Variants in IL33 observed in about 807,000 individuals in gnomAD.
The protein encoded by IL33 is interleukin-33.
In IL33, 37 loss-of-function variants were observed where a neutral mutation model predicts 27.3. That is an observed-to-expected ratio of 1.36 (90% CI 1.04 to 1.78). The LOEUF is 1.78. Among genes scored for constraint, IL33 ranks in the 40% most tolerant of loss-of-function variants. The pLI, the probability that IL33 is intolerant of heterozygous loss-of-function variation, is 0.00. For synonymous variants in IL33, 132 were observed against 102.9 expected (o/e 1.28, Z -1.71); for missense variants, 406 against 311.4 (o/e 1.30, Z -2.29).
At chr9:6,224,962 C>T (rs1320610566) in intron 1 of IL33, among the ~76,000 whole-genome samples, 1 of 152,056 alleles carries the variant, frequency 6.6e-6, no homozygotes, top group East Asian at 1.9e-4. Flanking sequence ...TGGCTTGGCA[C>T]CTGCCTTTCC....
chr9:6,247,744 T>C (rs867212572), intron 2 of IL33, among the ~76,000 whole-genome samples: 1 of 152,184 alleles, frequency 6.6e-6, no homozygotes. Flanking sequence ...CACTTTCCTC[T>C]CCAGAACACA....
chr9:6,251,312 A>T, intron 4 of IL33, 47 bp downstream of exon 4: 1 of 1,604,954 alleles, frequency 6.2e-7, no homozygotes, highest in East Asian at 2.2e-5. Flanking sequence ...GGGAGGTATG[A>T]CACAGGACCC....
At chr9:6,244,557 G>GCT (rs1429131729) in intron 2 of IL33, among the ~76,000 whole-genome samples, 1 of 152,048 alleles carries the variant, frequency 6.6e-6, no homozygotes, top group African/African-American at 2.4e-5. Flanking sequence ...GTGAATGTCT[G>GCT]CTCTCTCTCT....
At chr9:6,234,067 C>T (rs965533553) in intron 1 of IL33, among the ~76,000 whole-genome samples, 3 of 152,164 alleles carry the variant, frequency 2.0e-5, no homozygotes, top group Admixed American at 6.5e-5. Context: ...TTTTCTGCTT[C>T]TCTGTCTGGT....
At chr9:6,239,193 C>G (rs1241922849) in intron 1 of IL33, among the ~76,000 whole-genome samples, 1 of 152,178 alleles carries the variant, frequency 6.6e-6, no homozygotes, top group Non-Finnish European at 1.5e-5. Context: ...GTGTAATCAG[C>G]AAATTTCAAA....
chr9:6,222,154 G>A (rs1257238050), intron 1 of IL33, among the ~76,000 whole-genome samples: 4 of 152,132 alleles, frequency 2.6e-5, no homozygotes, highest in Non-Finnish European at 4.4e-5. Context: ...GCAGATTGTG[G>A]CTTATTTTAT....
intron 1 of IL33, among the ~76,000 whole-genome samples, chr9:6,231,416 G>A (rs535760977): frequency 6.6e-6 from 1 of 152,232 alleles, no homozygotes; most frequent in South Asian, 2.1e-4. Flanking sequence ...CCATCTCAGG[G>A]CCTTTGCCCC....
intron 1 of IL33, among the ~76,000 whole-genome samples, chr9:6,238,799 T>C (rs746228207): frequency 1.3e-5 from 2 of 152,178 alleles, no homozygotes; most frequent in Non-Finnish European, 2.9e-5. Context: ...AGTTTAAGAC[T>C]GGAGAAGAAG....
At position 6,256,386 on chromosome 9, in the gene IL33, A is replaced by G. The variant is rs1052532587; in HGVS notation, c.*218A>G. On this transcript the variant is annotated 3_prime_UTR_variant, in exon 8 of 8. Coordinates refer to ENST00000682010, the MANE Select transcript of IL33 (RefSeq NM_033439.4). The stretch of plus-strand genomic sequence containing the variant: ...CTGCATCTTCAATACAAGTATCAGT[A>G]TATTAAATAGGGTATTGGTAAAGAA... 1.8e-6 allele frequency: 1 copy of G among 550,912 alleles called. No individual in the cohort carries two copies. The highest frequency in any genetic ancestry group is 3.2e-6 in the Non-Finnish European group (1 of 314,926). 34.1% of individuals were successfully genotyped at this position (550,912 alleles called of 1,614,324 possible). A position where few individuals can be genotyped will look rare whatever the true frequency, so the allele number is the denominator to read the frequency against.
At position 6,252,941 on chromosome 9, in the gene IL33, A is replaced by G. The variant is rs372968081; in HGVS notation, c.419A>G (p.Asp140Gly). The change falls in exon 5 of 8, where the codon GAT becomes GGT. Residue 140 changes from aspartate (D) to glycine (G), a missense_variant. Transcript: ENST00000682010. ...CAATCCATTACTTTTGCTTTGGAGG[A>G]TGAAAGTTATGAGATATATGTTGAA... Reference protein sequence around the residue: ...NDQSITFALEDESYEIYVEDL... With the variant: ...NDQSITFALEGESYEIYVEDL... 1 of 1,596,028 alleles carries G rather than the reference A, an allele frequency of 6.3e-7. No homozygotes were observed. Among genetic ancestry groups the G allele is most frequent in the Non-Finnish European group, 8.6e-7 (1 of 1,164,918 alleles).
chr9:6,230,548 C>T (rs10975500), intron 1 of IL33, among the ~76,000 whole-genome samples: 5 of 152,168 alleles, frequency 3.3e-5, no homozygotes, highest in African/African-American at 1.2e-4. Context: ...TCACACTCCC[C>T]TGTGCTCCCA....
At chr9:6,236,573 A>G (rs1332536732) in intron 1 of IL33, among the ~76,000 whole-genome samples, 1 of 152,236 alleles carries the variant, frequency 6.6e-6, no homozygotes, top group Non-Finnish European at 1.5e-5. Context: ...ACTCTTTGAC[A>G]GTGCTACAAC....
chr9:6,225,222 T>C (rs1192847758), intron 1 of IL33, among the ~76,000 whole-genome samples: 1 of 152,220 alleles, frequency 6.6e-6, no homozygotes, highest in Non-Finnish European at 1.5e-5. Context: ...TGATGGGATA[T>C]TGCCCTGTGT....
intron 1 of IL33, among the ~76,000 whole-genome samples, chr9:6,239,561 C>G (rs969297092): frequency 1.3e-5 from 2 of 152,098 alleles, no homozygotes; most frequent in African/African-American, 4.8e-5. Flanking sequence ...TTTATAAAAA[C>G]CCTTGTATTC....
Position 6,232,643 on chromosome 9 carries a change from C to A in IL33, c.-11-9041C>A, listed in dbSNP as rs190786522. Reference sequence around the variant, plus strand: ...TTTCTTGTGTGCACATTTCCCAGGGCTAGTAGAGAAAGCCTTTCTAACCCC... The same window carrying A: ...TTTCTTGTGTGCACATTTCCCAGGGATAGTAGAGAAAGCCTTTCTAACCCC... On this transcript the variant is annotated intron_variant, in intron 1 of 7. Transcript: ENST00000682010. 9.7e-4 allele frequency among the ~76,000 whole-genome samples: 148 copies of A among 152,272 alleles called. 2 individuals carry two copies. The highest frequency in any genetic ancestry group is 8.0e-3 in the Admixed American group (123 of 15,288).
intron 2 of IL33, among the ~76,000 whole-genome samples, chr9:6,247,161 A>C (rs1819906482): frequency 6.6e-6 from 1 of 152,050 alleles, no homozygotes; most frequent in South Asian, 2.1e-4. Context: ...CCAGGAAGAA[A>C]GTTTAAGAGT....
intron 1 of IL33, among the ~76,000 whole-genome samples, chr9:6,219,502 A>G (rs1444248569): frequency 2.0e-5 from 3 of 152,134 alleles, no homozygotes; most frequent in Non-Finnish European, 4.4e-5. Context: ...TTTTTAAGTG[A>G]AGAGTGCAGT....
At chr9:6,232,983 C>G (rs1429178694) in intron 1 of IL33, among the ~76,000 whole-genome samples, 1 of 152,134 alleles carries the variant, frequency 6.6e-6, no homozygotes. Flanking sequence ...CTTTTTGAAC[C>G]ATTTTTTAAA....
At chr9:6,240,932 A>G (rs1244298436) in intron 1 of IL33, among the ~76,000 whole-genome samples, 2 of 152,040 alleles carry the variant, frequency 1.3e-5, no homozygotes, top group Admixed American at 6.6e-5. Context: ...GCTTTTTTCT[A>G]TTTTAAACAT....
Sources: gnomAD v4.1 joint callset for allele counts (sites outside exome capture counted in the v4.1 genomes callset) on GRCh38, gnomAD v4.1.1 for gene constraint, MANE v1.5 for transcripts, NCBI Gene and HGNC (gene_info 2026-07-23, HGNC 2026-07-21) for gene names.